Variants in SKAP1 observed in about 807,000 individuals in gnomAD.
The protein encoded by SKAP1 is src kinase-associated phosphoprotein 1.
A neutral mutation model predicts 58.5 loss-of-function variants in SKAP1; 44 were observed. The observed-to-expected ratio is 0.75, with a 90% confidence interval of 0.59 to 0.97. SKAP1 has a LOEUF of 0.97. Among genes scored for constraint, SKAP1 ranks in the 50% least tolerant of loss-of-function variants. The pLI, the probability that SKAP1 is intolerant of heterozygous loss-of-function variation, is 0.00. For synonymous variants in SKAP1, 127 were observed against 149.7 expected (o/e 0.85, Z 1.11); for missense variants, 390 against 435.2 (o/e 0.90, Z 0.92).
At chr17:48,279,466 G>T (rs1315268467) in intron 4 of SKAP1, among the ~76,000 whole-genome samples, 1 of 152,094 alleles carries the variant, frequency 6.6e-6, no homozygotes, top group Non-Finnish European at 1.5e-5. Context: ...ATCAATGCAG[G>T]ATAACATATG....
chr17:48,444,254 C>T, the SKAP1 span, among the ~76,000 whole-genome samples: 12 of 152,028 alleles, frequency 7.9e-5, no homozygotes, highest in Non-Finnish European at 1.2e-4. Context: ...TTTAGCTGGG[C>T]GTGGTGGCAT....
At chr17:48,394,435 A>G (rs532197267) in intron 2 of SKAP1, among the ~76,000 whole-genome samples, 1 of 151,886 alleles carries the variant, frequency 6.6e-6, no homozygotes, top group African/African-American at 2.4e-5. Context: ...TCAACCTGCT[A>G]GGCTCAAGTG....
intron 4 of SKAP1, among the ~76,000 whole-genome samples, chr17:48,210,978 T>C (rs1365586200): frequency 6.6e-6 from 1 of 152,032 alleles, no homozygotes; most frequent in Non-Finnish European, 1.5e-5. Context: ...CTTAACAAAA[T>C]AGAAGGTAAT....
upstream of SKAP1, among the ~76,000 whole-genome samples, chr17:48,434,544 A>G (rs1360041708): frequency 6.6e-6 from 1 of 152,208 alleles, no homozygotes; most frequent in Non-Finnish European, 1.5e-5. Flanking sequence ...GCCTTAATAC[A>G]TACAACAAAA....
intron 2 of SKAP1, among the ~76,000 whole-genome samples, chr17:48,367,120 G>C (rs2067014063): frequency 6.6e-6 from 1 of 152,076 alleles, no homozygotes; most frequent in South Asian, 2.1e-4. Context: ...CTGGCTTCCT[G>C]GTTTCTCTTG....
the SKAP1 span, among the ~76,000 whole-genome samples, chr17:48,442,058 A>G: frequency 4.6e-5 from 7 of 152,158 alleles, no homozygotes; most frequent in African/African-American, 1.7e-4. Flanking sequence ...AGGGATTACC[A>G]TGGACTCCAG....
At chr17:48,442,556 A>C in the SKAP1 span, among the ~76,000 whole-genome samples, 1 of 152,140 alleles carries the variant, frequency 6.6e-6, no homozygotes, top group Non-Finnish European at 1.5e-5. Flanking sequence ...CTCCACAACC[A>C]CTTGTCCCCT....
intron 1 of SKAP1, among the ~76,000 whole-genome samples, chr17:48,414,123 C>G (rs1034716281): frequency 2.6e-5 from 4 of 152,186 alleles, no homozygotes; most frequent in African/African-American, 9.7e-5. Flanking sequence ...TAAGAGTTTA[C>G]AGTCTAGCAA....
At chr17:48,260,784 T>C (rs1427773055) in intron 4 of SKAP1, among the ~76,000 whole-genome samples, 1 of 152,124 alleles carries the variant, frequency 6.6e-6, no homozygotes, top group African/African-American at 2.4e-5. Flanking sequence ...ACCATGACTA[T>C]CTCGAATCAG....
chr17:48,438,899 A>T, the SKAP1 span, among the ~76,000 whole-genome samples: 1 of 152,168 alleles, frequency 6.6e-6, no homozygotes, highest in Non-Finnish European at 1.5e-5. Flanking sequence ...GATGGCCTAG[A>T]GATGAGGCTA....
chr17:48,220,619 G>A (rs34980108), intron 4 of SKAP1, among the ~76,000 whole-genome samples: 16,946 of 152,008 alleles, frequency 0.11, 1,008 homozygotes, highest in East Asian at 0.18. Flanking sequence ...CACTTTGGGA[G>A]GCTGAGGTGG....
chr17:48,425,399 T>G (rs546533319), intron 1 of SKAP1, among the ~76,000 whole-genome samples: 1 of 152,334 alleles, frequency 6.6e-6, no homozygotes, highest in African/African-American at 2.4e-5. Context: ...ACATGGAAAT[T>G]TAACAATTAT....
At chr17:48,236,000 T>G (rs1189076962) in intron 4 of SKAP1, among the ~76,000 whole-genome samples, 3 of 152,186 alleles carry the variant, frequency 2.0e-5, no homozygotes, top group African/African-American at 7.2e-5. Flanking sequence ...CAGACACAAT[T>G]TGAAGGATAA....
At chr17:48,444,920 C>A in the SKAP1 span, among the ~76,000 whole-genome samples, 3 of 151,998 alleles carry the variant, frequency 2.0e-5, no homozygotes, top group Admixed American at 2.0e-4. Context: ...GCTGTAGGGG[C>A]AGTAAGATTT....
intron 7 of SKAP1, 66 bp downstream of exon 7, chr17:48,184,657 C>T: frequency 1.3e-6 from 2 of 1,596,872 alleles, no homozygotes; most frequent in Non-Finnish European, 1.7e-6. Flanking sequence ...GCAACCATGG[C>T]TCACATGCAA....
Position 48,396,799 on chromosome 17 carries a change from A to G in SKAP1, c.47-14T>C. The G allele has an allele frequency of 6.3e-7, 1 of 1,586,210 alleles. No homozygotes were observed. The highest frequency in any genetic ancestry group is 8.7e-7 in the Non-Finnish European group (1 of 1,155,930). On this transcript the variant is annotated splice_polypyrimidine_tract_variant and intron_variant, in intron 1 of 12. Coordinates refer to ENST00000336915, the MANE Select transcript of SKAP1 (RefSeq NM_003726.4). ...ACTCTTCAGCATCTAAAAGAAAAGGAAAGTTGATAAAACAGAAAAGATGTA... is the reference window on the plus strand; with the variant it reads ...ACTCTTCAGCATCTAAAAGAAAAGGGAAGTTGATAAAACAGAAAAGATGTA...
chr17:48,172,661 T>A (rs1422793645), intron 9 of SKAP1, among the ~76,000 whole-genome samples: 1 of 152,126 alleles, frequency 6.6e-6, no homozygotes, highest in Non-Finnish European at 1.5e-5. Context: ...TTCTCCTGAG[T>A]CTTAATGACA....
intron 4 of SKAP1, among the ~76,000 whole-genome samples, chr17:48,290,853 A>G (rs1396019834): frequency 6.6e-6 from 1 of 152,224 alleles, no homozygotes; most frequent in Non-Finnish European, 1.5e-5. Flanking sequence ...AATTAAAGAC[A>G]CTTCTGACCT....
chr17:48,321,482 A>C (rs2066365322), intron 4 of SKAP1, among the ~76,000 whole-genome samples: 1 of 151,572 alleles, frequency 6.6e-6, no homozygotes. Context: ...GGTTCACACC[A>C]TCCTCCTGCC....
Sources: gnomAD v4.1 joint callset for allele counts (sites outside exome capture counted in the v4.1 genomes callset) on GRCh38, gnomAD v4.1.1 for gene constraint, MANE v1.5 for transcripts, NCBI Gene and HGNC (gene_info 2026-07-23, HGNC 2026-07-21) for gene names.